KSR2: variants seen among roughly 807,000 people sequenced by gnomAD.
The protein encoded by KSR2 is kinase suppressor of ras 2.
KSR2 carries 25 observed loss-of-function variants against 107.8 expected under a neutral mutation model. The ratio of observed to expected loss-of-function variants is 0.23; its 90% CI spans 0.17 to 0.32. The LOEUF is 0.32. KSR2 is among the 10% of genes least tolerant of loss of function. The probability of loss-of-function intolerance (pLI) is 1.00; values close to 1 mark genes in which losing one functional copy is unlikely to be tolerated. For synonymous variants in KSR2, 480 were observed against 507.0 expected (o/e 0.95, Z 0.71); for missense variants, 887 against 1,268.9 (o/e 0.70, Z 4.57).
At chr12:117,766,365 C>T (rs531142590) in intron 3 of KSR2, among the ~76,000 whole-genome samples, 1 of 152,140 alleles carries the variant, frequency 6.6e-6, no homozygotes, top group East Asian at 1.9e-4. Context: ...AGAAAGAGAG[C>T]AGATTCGTGG....
intron 5 of KSR2, among the ~76,000 whole-genome samples, chr12:117,594,087 C>G (rs764608299): frequency 6.6e-6 from 1 of 152,194 alleles, no homozygotes; most frequent in Non-Finnish European, 1.5e-5. Flanking sequence ...TCAGAGCCAT[C>G]GGAGTTGTCT....
At chr12:117,638,405 T>C (rs1160325574) in intron 5 of KSR2, among the ~76,000 whole-genome samples, 1 of 152,128 alleles carries the variant, frequency 6.6e-6, no homozygotes, top group African/African-American at 2.4e-5. Flanking sequence ...ACCCTCACCA[T>C]GCTGGGCAGA....
intron 3 of KSR2, among the ~76,000 whole-genome samples, chr12:117,793,694 TACA>T (rs1392625993): frequency 1.7e-5 from 2 of 115,796 alleles, no homozygotes; most frequent in Admixed American, 8.9e-5. Context: ...CATGCACACA[TACA>T]ACATGCACAC....
chr12:117,491,112 T>C (rs12298168), intron 14 of KSR2, among the ~76,000 whole-genome samples: 15,839 of 152,200 alleles, frequency 0.1, 1,486 homozygotes, highest in African/African-American at 0.25. Context: ...ACCACCATTC[T>C]ACTCAATTTC....
chr12:117,723,494 A>T (rs1290193289), intron 4 of KSR2, among the ~76,000 whole-genome samples: 4 of 152,192 alleles, frequency 2.6e-5, no homozygotes, highest in African/African-American at 9.7e-5. Context: ...ATCATCCATG[A>T]TCTCACAGAT....
intron 4 of KSR2, among the ~76,000 whole-genome samples, chr12:117,717,059 C>G (rs1156774013): frequency 2.6e-5 from 4 of 152,206 alleles, no homozygotes; most frequent in African/African-American, 9.7e-5. Flanking sequence ...AGGAGTTTGG[C>G]AAGACAAGTC....
At chr12:117,486,627 G>A (rs1195121928) in intron 14 of KSR2, among the ~76,000 whole-genome samples, 2 of 152,194 alleles carry the variant, frequency 1.3e-5, no homozygotes, top group African/African-American at 4.8e-5. Context: ...CTGGCATTGT[G>A]TTCATTCATT....
At chr12:117,490,558 A>C (rs1210498897) in intron 14 of KSR2, among the ~76,000 whole-genome samples, 1 of 152,166 alleles carries the variant, frequency 6.6e-6, no homozygotes, top group African/African-American at 2.4e-5. Flanking sequence ...CCATAAAATA[A>C]ATGGTGAATA....
chr12:117,661,959 TC>T (rs1884450874), intron 5 of KSR2, among the ~76,000 whole-genome samples: 1 of 152,160 alleles, frequency 6.6e-6, no homozygotes, highest in Non-Finnish European at 1.5e-5. Context: ...TTTATATATT[TC>T]AATGCCTGCA....
rs545212561 is a variant in KSR2, at chr12:117,854,149, CGT to C, written c.472+1277_472+1278del. 2.1e-4 allele frequency among the ~76,000 whole-genome samples: 32 copies of C among 152,194 alleles called. No individual in the cohort carries two copies. The East Asian group carries it at 6.0e-3, about 29-fold the overall frequency. ...CCTCCCGAGTAGCTGGGACTACAGG[CGT>C]GTGCCACCACACATGGCACATTTTT... On this transcript the variant is annotated intron_variant, in intron 3 of 19. Transcript: ENST00000339824.
chr12:117,498,264 T>G (rs1415725682), intron 14 of KSR2, among the ~76,000 whole-genome samples: 2 of 152,110 alleles, frequency 1.3e-5, no homozygotes, highest in Non-Finnish European at 2.9e-5. Context: ...CTCACTGAGC[T>G]CAGCTGAGAC....
intron 9 of KSR2, among the ~76,000 whole-genome samples, chr12:117,547,555 C>G (rs1464419034): frequency 6.6e-6 from 1 of 152,060 alleles, no homozygotes. Flanking sequence ...TTCAGCTTGA[C>G]AAGGATGGGA....
intron 4 of KSR2, among the ~76,000 whole-genome samples, chr12:117,684,476 G>A (rs1885488333): frequency 6.6e-6 from 1 of 152,198 alleles, no homozygotes; most frequent in South Asian, 2.1e-4. Flanking sequence ...TGAGCAGGGA[G>A]GGGGTGGCAC....
intron 3 of KSR2, among the ~76,000 whole-genome samples, chr12:117,817,902 A>T: frequency 6.6e-6 from 1 of 152,118 alleles, no homozygotes; most frequent in Non-Finnish European, 1.5e-5. Flanking sequence ...GGAGTTCAAG[A>T]CAAGGCGGGC....
intron 1 of KSR2, among the ~76,000 whole-genome samples, chr12:117,949,568 T>C (rs1405291174): frequency 1.3e-5 from 2 of 152,236 alleles, no homozygotes; most frequent in African/African-American, 4.8e-5. Flanking sequence ...AGAACTATTC[T>C]ATATCCTGAA....
chr12:117,471,175 C>A lies in KSR2; in HGVS notation c.2712+16G>T, dbSNP rs1207094050. ...CTCCCCTCATCCCCCAAGTCTGGACCTATCTTGGGACTTACCGAGATTTCT... is the reference window on the plus strand; with the variant it reads ...CTCCCCTCATCCCCCAAGTCTGGACATATCTTGGGACTTACCGAGATTTCT... On this transcript the variant is annotated intron_variant, in intron 18 of 19. Coordinates refer to ENST00000339824, the MANE Select transcript of KSR2 (RefSeq NM_173598.6). 2.5e-6 allele frequency: 4 copies of A among 1,612,890 alleles called. No individual in the cohort carries two copies. The highest frequency in any genetic ancestry group is 1.7e-5 in the Admixed American group (1 of 59,942).
At chr12:117,485,532 G>T in intron 15 of KSR2, 63 bp downstream of exon 15, 2 of 1,279,278 alleles carry the variant, frequency 1.6e-6, no homozygotes, top group East Asian at 4.6e-5. Flanking sequence ...GGGTAGGGGG[G>T]CTTCCCTGGG....
chr12:117,846,711 G>C (rs1437968999), intron 3 of KSR2, among the ~76,000 whole-genome samples: 1 of 152,186 alleles, frequency 6.6e-6, no homozygotes, highest in Non-Finnish European at 1.5e-5. Flanking sequence ...ATTGCAATAG[G>C]GCAGCTGCTA....
chr12:117,774,657 G>T (rs907448770), intron 3 of KSR2, among the ~76,000 whole-genome samples: 2 of 152,022 alleles, frequency 1.3e-5, no homozygotes, highest in Non-Finnish European at 2.9e-5. Flanking sequence ...CTCTTTTTAA[G>T]AAAAAATGTA....
Sources: gnomAD v4.1 joint callset for allele counts (sites outside exome capture counted in the v4.1 genomes callset) on GRCh38, gnomAD v4.1.1 for gene constraint, MANE v1.5 for transcripts, NCBI Gene and HGNC (gene_info 2026-07-23, HGNC 2026-07-21) for gene names.